The following REPIN1 variants were observed in gnomAD, a reference collection of about 807,000 sequenced individuals.
REPIN1 encodes the protein replication initiator 1.
Under a neutral mutation model 5.7 loss-of-function variants are expected in REPIN1, and 4 were observed. That is an observed-to-expected ratio of 0.71 (90% confidence interval 0.35 to 1.62). The LOEUF (loss-of-function observed/expected upper bound fraction) is 1.62. Among genes scored for constraint, REPIN1 ranks in the 40% most tolerant of loss-of-function variants. REPIN1 has a pLI of 0.05. For synonymous variants in REPIN1, 410 were observed against 386.2 expected (o/e 1.06, Z -0.72); for missense variants, 854 against 901.0 (o/e 0.95, Z 0.67).
intron 1 of REPIN1, 58 bp from the exon 2 acceptor site, chr7:150,369,613 G>A: frequency 6.6e-7 from 1 of 1,514,242 alleles, no homozygotes; most frequent in Admixed American, 1.9e-5. Flanking sequence ...AGGACACAAA[G>A]CTGACTGCCC....
intron 2 of REPIN1, 101 bp downstream of exon 2, chr7:150,369,969 G>T: frequency 2.9e-6 from 4 of 1,389,122 alleles, no homozygotes; most frequent in Non-Finnish European, 3.9e-6. Flanking sequence ...CATATCCTGG[G>T]GTCTTCCCTG....
Position 150,371,507 on chromosome 7 carries a change from A to C in REPIN1, c.437A>C (p.Glu146Ala), listed in dbSNP as rs1799738808. 1.2e-6 allele frequency: 2 copies of C among 1,606,544 alleles called. No individual in the cohort carries two copies. The highest frequency in any genetic ancestry group is 1.7e-6 in the Non-Finnish European group (2 of 1,179,688). ...GCCCGGCTGCCCTTGCCCTGCCCTG[A>C]GTGTGGCCGTCGCTTTCGCCATGCC... ...CQARLPLPCP[E>A]CGRRFRHAPF... The change falls in exon 3 of 3, where the codon GAG (glutamate) becomes GCG (alanine). Residue 146 changes from glutamate (E) to alanine (A), a missense_variant. This residue lies in a region of REPIN1 where 409 missense variants were observed against 418.6 expected (regional missense o/e 0.98). Transcript: ENST00000489432.
chr7:150,369,590 G>C, intron 1 of REPIN1, 81 bp from the exon 2 acceptor site: 2 of 1,270,906 alleles, frequency 1.6e-6, no homozygotes, highest in Non-Finnish European at 2.2e-6. Context: ...GGGGGGAGGG[G>C]TTGTGGCTGG....
rs530357423 is a variant in REPIN1 at position 150,372,619 on chromosome 7, G to A, written c.1549G>A (p.Val517Met). 163 of 1,609,692 alleles carry A rather than the reference G, an allele frequency of 1.0e-4. 2 individuals carry two copies. The East Asian group carries it at 3.5e-3, about 34-fold the overall frequency. ...RRDHAPDRPF[V>M]CPDCGKAFRH... ...CGACCACGCCCCCGATCGGCCCTTC[G>A]TGTGTCCCGACTGCGGCAAGGCCTT... Residue 517 changes from valine to methionine, a missense_variant, in exon 3 of 3, where the codon GTG becomes ATG. By Grantham distance (21) the Val-to-Met change is conservative. Coordinates refer to ENST00000489432, the MANE Select transcript of REPIN1 (RefSeq NM_001099695.2).
rs1237848294 is a variant in REPIN1 at position 150,369,023 on chromosome 7, C to A, written c.-42+82C>A. The A allele has an allele frequency of 1.6e-5, 6 of 364,488 alleles. No individual in the cohort carries two copies. The Admixed American group carries it at 2.9e-4, about 17-fold the overall frequency. The allele number at this position is 364,488 out of a possible 1,614,324, so 22.6% of individuals were successfully genotyped here. A position where few individuals can be genotyped will look rare whatever the true frequency, so the allele number is the denominator to read the frequency against. ...TGCGGGGCGCGTGACCGTGAGTGTG[C>A]GCGACCGTGTGTGAGTGCGCGGGGG... On this transcript the variant is annotated intron_variant, in intron 1 of 2. Coordinates refer to ENST00000489432, the MANE Select transcript of REPIN1 (RefSeq NM_001099695.2).
At chr7:150,369,309 G>A (rs1799247806) in intron 1 of REPIN1, 1 of 423,408 alleles carries the variant, frequency 2.4e-6, no homozygotes, top group Non-Finnish European at 4.4e-6. Flanking sequence ...AATAGGCCTG[G>A]AATTCCTGTC....
intron 2 of REPIN1, chr7:150,370,630 G>C (rs1279566272): frequency 1.5e-6 from 1 of 661,764 alleles, no homozygotes; most frequent in Non-Finnish European, 2.7e-6. Context: ...AGGCGCTTTA[G>C]AGGAAAGAAC....
At position 150,372,523 on chromosome 7, in the gene REPIN1, G is replaced by C. The variant is rs757067459; in HGVS notation, c.1453G>C (p.Glu485Gln). 2 of 1,558,008 alleles carry C rather than the reference G, an allele frequency of 1.3e-6. No individual in the cohort carries two copies. The highest frequency in any genetic ancestry group is 2.4e-5 in the South Asian group (2 of 84,606). Residue 485 changes from glutamate (E) to glutamine (Q), a missense_variant, in exon 3 of 3, where the codon GAG becomes CAG. Physicochemically the swap from Glu to Gln is conservative, Grantham distance 29. Transcript: ENST00000489432. ...LVAHSRVHSG[E>Q]RPFACEECGR... ...GGCGCACTCGCGCGTGCACTCCGGC[G>C]AGCGGCCCTTCGCCTGCGAGGAGTG...
chr7:150,371,936 T>C lies in REPIN1; in HGVS notation c.866T>C (p.Val289Ala). ...GCCCCCCGGCCCGGTGGAGATGCCG[T>C]CGACCGCCCCTTCCAGTGTGCCTGT... ...VTAPRPGGDAVDRPFQCACCG... is the reference protein window; with the variant it reads ...VTAPRPGGDAADRPFQCACCG... Residue 289 changes from valine to alanine, a missense_variant, in exon 3 of 3, where the codon GTC (valine) becomes GCC (alanine). Physicochemically the swap from Val to Ala is moderately conservative, Grantham distance 64. This residue lies in a region of REPIN1 where 409 missense variants were observed against 418.6 expected (regional missense o/e 0.98). Transcript: ENST00000489432. 6.2e-7 allele frequency: 1 copy of C among 1,607,578 alleles called. No individual in the cohort carries two copies. Among genetic ancestry groups the C allele is most frequent in the Non-Finnish European group, 8.5e-7 (1 of 1,179,084 alleles).
At chr7:150,369,601 T>G (rs879123095) in intron 1 of REPIN1, 70 bp from the exon 2 acceptor site, 502 of 1,384,958 alleles carry the variant, frequency 3.6e-4, no homozygotes, top group South Asian at 8.5e-4. Flanking sequence ...TTGTGGCTGG[T>G]GAGGACACAA....
rs1372387246 is a variant in REPIN1 at position 150,372,299 on chromosome 7, A to C, written c.1229A>C (p.Gln410Pro). 1.3e-6 allele frequency: 2 copies of C among 1,521,410 alleles called. No homozygotes were observed. The highest frequency in any genetic ancestry group is 2.8e-5 in the African/African-American group (2 of 71,466). The allele number at this position is 1,521,410 out of a possible 1,614,324, so 94.2% of individuals were successfully genotyped here. The stretch of plus-strand genomic sequence containing the variant: ...CCGGCGGTACCTCTGAAACCGGCCC[A>C]GGAGCCGCCGCCAGGGGCCCCGCCA... The part of the protein sequence containing the change: ...PTPAVPLKPA[Q>P]EPPPGAPPEH... Residue 410 changes from glutamine to proline, a missense_variant, in exon 3 of 3, where the codon CAG (glutamine) becomes CCG (proline). Gln to Pro is a moderately conservative substitution (Grantham distance 76). Around this residue, in one of 5 missense-constraint regions of REPIN1, gnomAD observed 327 missense variants for 307.8 expected, o/e 1.06. Transcript: ENST00000489432.
In REPIN1 at chr7:150,371,256, T is replaced by A; in HGVS notation, c.186T>A (p.Arg62=). Residue 62 remains arginine, a synonymous_variant, in exon 3 of 3, where the codon CGT becomes CGA. Transcript: ENST00000489432. Reference sequence around the variant, plus strand: ...AGGAAGAACCGATGCTGGAACGTCGTTGCAGGGGCCCCCTGGCCATGGGCC... The same window carrying A: ...AGGAAGAACCGATGCTGGAACGTCGATGCAGGGGCCCCCTGGCCATGGGCC... ...QAEEEPMLER[R]CRGPLAMGLA... 1 of 1,600,800 alleles carries A rather than the reference T, an allele frequency of 6.2e-7. No homozygotes were observed. Among genetic ancestry groups the A allele is most frequent in the Non-Finnish European group, 8.5e-7 (1 of 1,173,388 alleles).
In REPIN1 at chr7:150,371,376, G is replaced by A; in HGVS notation, c.306G>A (p.Val102=). 6.3e-7 allele frequency: 1 copy of A among 1,593,734 alleles called. No homozygotes were observed. The highest frequency in any genetic ancestry group is 8.5e-7 in the Non-Finnish European group (1 of 1,171,400). Residue 102 remains valine (V), a synonymous_variant, in exon 3 of 3, where the codon GTG becomes GTA. Transcript: ENST00000489432. ...SRGLRQQGTS[V]AQSGAQAPGR... Reference sequence around the variant, plus strand: ...GGCTGAGGCAACAAGGCACGTCAGTGGCCCAGTCTGGTGCCCAAGCCCCAG... The same window carrying A: ...GGCTGAGGCAACAAGGCACGTCAGTAGCCCAGTCTGGTGCCCAAGCCCCAG...
intron 2 of REPIN1, 36 bp downstream of exon 2, chr7:150,369,904 C>T (rs781574444): frequency 1.3e-6 from 2 of 1,553,292 alleles, no homozygotes; most frequent in South Asian, 2.4e-5. Flanking sequence ...CCAAACCACG[C>T]CACAACAGGG....
Position 150,373,150 on chromosome 7 carries a change from G to C in REPIN1, c.*205G>C. On this transcript the variant is annotated 3_prime_UTR_variant, in exon 3 of 3. Coordinates refer to ENST00000489432, the MANE Select transcript of REPIN1 (RefSeq NM_001099695.2). ...GCCAGGGAACCCACTTCCAAGCGCA[G>C]GGACGCCGGCCTCCAGCTGGTGTGT... 1.4e-6 allele frequency: 1 copy of C among 707,362 alleles called. No homozygotes were observed. Among genetic ancestry groups the C allele is most frequent in the Non-Finnish European group, 2.4e-6 (1 of 423,380 alleles). The allele number at this position is 707,362 out of a possible 1,614,324, so 43.8% of individuals were successfully genotyped here.
In REPIN1 at chr7:150,371,452, G is replaced by A; in HGVS notation, c.382G>A (p.Ala128Thr). The A allele has an allele frequency of 1.2e-6, 2 of 1,605,540 alleles. No homozygotes were observed. Among genetic ancestry groups the A allele is most frequent in the Non-Finnish European group, 8.5e-7 (1 of 1,178,538 alleles). ...HCRRHFPGWV[A>T]LWLHTRRCQA... ...TCGAAGGCACTTCCCTGGCTGGGTG[G>A]CTCTGTGGCTTCACACCCGCCGGTG... is the stretch of plus-strand genomic sequence containing the variant. The change falls in exon 3 of 3, where the codon GCT becomes ACT. Residue 128 changes from alanine (A) to threonine (T), a missense_variant. Coordinates refer to ENST00000489432, the MANE Select transcript of REPIN1 (RefSeq NM_001099695.2).
At chr7:150,370,058 T>C in intron 2 of REPIN1, 190 bp downstream of exon 2, 1 of 675,900 alleles carries the variant, frequency 1.5e-6, no homozygotes, top group Non-Finnish European at 2.4e-6. Flanking sequence ...TTTAGAAGGA[T>C]GTGTCTGGAG....
Position 150,371,894 on chromosome 7 carries a change from G to A in REPIN1, c.824G>A (p.Gly275Asp). 6.2e-7 allele frequency: 1 copy of A among 1,606,298 alleles called. No homozygotes were observed. The highest frequency in any genetic ancestry group is 2.2e-5 in the East Asian group (1 of 44,774). Residue 275 changes from glycine to aspartate, a missense_variant, in exon 3 of 3, where the codon GGC becomes GAC. By Grantham distance (94) the Gly-to-Asp change is moderately conservative (BLOSUM62 -1). Around this residue, in one of 5 missense-constraint regions of REPIN1, gnomAD observed 409 missense variants for 418.6 expected, o/e 0.98. Transcript: ENST00000489432. ...AAGGCTCTGGGGCCCCGGCCCAGGG[G>A]CCGCCCCGCGGTGACCGCCCCCCGG... ...AAKALGPRPR[G>D]RPAVTAPRPG...
Position 150,373,113 on chromosome 7 carries a change from T to C in REPIN1, c.*168T>C. On this transcript the variant is annotated 3_prime_UTR_variant, in exon 3 of 3. Coordinates refer to ENST00000489432, the MANE Select transcript of REPIN1 (RefSeq NM_001099695.2). Reference sequence around the variant, plus strand: ...GGGTGGGCCCTGCTAGCGAGAGAGGTCAACCCCGGTGGCCAGGGAACCCAC... The same window carrying C: ...GGGTGGGCCCTGCTAGCGAGAGAGGCCAACCCCGGTGGCCAGGGAACCCAC... The C allele has an allele frequency of 7.0e-6, 7 of 1,004,226 alleles. No individual in the cohort carries two copies. The highest frequency in any genetic ancestry group is 1.0e-5 in the Non-Finnish European group (7 of 694,424). 62.2% of individuals were successfully genotyped at this position (1,004,226 alleles called of 1,614,324 possible). A position where few individuals can be genotyped will look rare whatever the true frequency, so the allele number is the denominator to read the frequency against.
Sources: gnomAD v4.1 joint callset for allele counts on GRCh38, gnomAD v4.1.1 for gene constraint, gnomAD v4.1.1 regional missense constraint, MANE v1.5 for transcripts, NCBI Gene and HGNC (gene_info 2026-07-23, HGNC 2026-07-21) for gene names.